The following AFG2A variants were observed in gnomAD, a reference collection of about 807,000 sequenced individuals.
AFG2A encodes the protein AAA ATPase AFG2A, also known as ATPase family gene 2 protein homolog A.
chr4:123,136,242 G>C, the AFG2A span, among the ~76,000 whole-genome samples: 1 of 152,164 alleles, frequency 6.6e-6, no homozygotes, highest in African/African-American at 2.4e-5. Context: ...TTTAAAGAAG[G>C]TAGTCTGTTG....
chr4:123,187,238 C>T, the AFG2A span, among the ~76,000 whole-genome samples: 3 of 152,234 alleles, frequency 2.0e-5, no homozygotes, highest in East Asian at 1.9e-4. Flanking sequence ...CGGTACTCTC[C>T]GAAATAGCTC....
chr4:122,967,426 G>A, the AFG2A span, among the ~76,000 whole-genome samples: 408 of 152,116 alleles, frequency 2.7e-3, 6 homozygotes, highest in South Asian at 0.023. Flanking sequence ...GTAACGGCAT[G>A]TAAAAAATGC....
chr4:123,151,239 G>A, the AFG2A span, among the ~76,000 whole-genome samples: 80 of 152,132 alleles, frequency 5.3e-4, no homozygotes, highest in Non-Finnish European at 9.3e-4. Context: ...AACACCAAAA[G>A]CAAAGGCACC....
the AFG2A span, among the ~76,000 whole-genome samples, chr4:123,200,562 G>A: frequency 2.6e-4 from 39 of 152,260 alleles, 1 homozygote; most frequent in South Asian, 7.5e-3. Context: ...ATGGTTGCTC[G>A]GTGGAGAGTG....
At chr4:122,956,622 A>T in the AFG2A span, among the ~76,000 whole-genome samples, 1 of 152,162 alleles carries the variant, frequency 6.6e-6, no homozygotes, top group African/African-American at 2.4e-5. Context: ...TATGAAGAGT[A>T]GTTTTATTTA....
the AFG2A span, among the ~76,000 whole-genome samples, chr4:123,014,681 T>A: frequency 6.6e-6 from 1 of 152,258 alleles, no homozygotes; most frequent in African/African-American, 2.4e-5. Context: ...TGAAAAAAAA[T>A]TACCTTTAAG....
the AFG2A span, among the ~76,000 whole-genome samples, chr4:122,978,719 C>T: frequency 6.6e-6 from 1 of 152,218 alleles, no homozygotes; most frequent in African/African-American, 2.4e-5. Flanking sequence ...CTCAGCCTCC[C>T]TCACATACTC....
chr4:123,306,807 A>G, the AFG2A span, among the ~76,000 whole-genome samples: 1 of 152,206 alleles, frequency 6.6e-6, no homozygotes, highest in Non-Finnish European at 1.5e-5. Context: ...ACTGAATAAG[A>G]TGAAATACTC....
chr4:123,035,100 C>G, the AFG2A span, among the ~76,000 whole-genome samples: 1 of 152,194 alleles, frequency 6.6e-6, no homozygotes, highest in Admixed American at 6.5e-5. Context: ...TTTCACTGCA[C>G]TTCTCAGTTG....
chr4:123,092,698 C>A, the AFG2A span, among the ~76,000 whole-genome samples: 1 of 152,132 alleles, frequency 6.6e-6, no homozygotes, highest in Non-Finnish European at 1.5e-5. Context: ...AGACTGCATT[C>A]GCATTAGGAG....
the AFG2A span, among the ~76,000 whole-genome samples, chr4:123,174,894 G>A: frequency 2.0e-5 from 3 of 151,798 alleles, no homozygotes; most frequent in Admixed American, 6.6e-5. Context: ...GCAGTGGCAC[G>A]ATCACGGCTC....
At chr4:123,092,533 G>C in the AFG2A span, among the ~76,000 whole-genome samples, 2 of 152,130 alleles carry the variant, frequency 1.3e-5, no homozygotes, top group Non-Finnish European at 2.9e-5. Context: ...TTTAGTGCTT[G>C]TATTGTTGTT....
At chr4:123,197,339 G>A in the AFG2A span, among the ~76,000 whole-genome samples, 11 of 152,120 alleles carry the variant, frequency 7.2e-5, no homozygotes, top group African/African-American at 2.4e-4. Context: ...TCATCCCCGG[G>A]TTAAGAGAAC....
the AFG2A span, among the ~76,000 whole-genome samples, chr4:123,059,661 A>C: frequency 1.3e-5 from 2 of 151,034 alleles, no homozygotes; most frequent in African/African-American, 4.9e-5. Flanking sequence ...TCCTTTGAGT[A>C]TATACCCAGT....
the AFG2A span, among the ~76,000 whole-genome samples, chr4:122,967,045 G>A: frequency 1.4e-4 from 22 of 152,224 alleles, no homozygotes; most frequent in African/African-American, 5.3e-4. Context: ...AACATGAATT[G>A]TAACTGAATT....
chr4:123,290,056 T>A, the AFG2A span, among the ~76,000 whole-genome samples: 3 of 152,194 alleles, frequency 2.0e-5, no homozygotes, highest in Admixed American at 1.3e-4. Flanking sequence ...ATTTTGTTGC[T>A]GCTGTTGAGT....
chr4:123,032,145 G>T, the AFG2A span, among the ~76,000 whole-genome samples: 1 of 152,128 alleles, frequency 6.6e-6, no homozygotes, highest in Non-Finnish European at 1.5e-5. Context: ...AATTATTCTG[G>T]TAAATACAGG....
the AFG2A span, among the ~76,000 whole-genome samples, chr4:122,941,243 T>A: frequency 6.6e-6 from 1 of 151,848 alleles, no homozygotes; most frequent in African/African-American, 2.4e-5. Flanking sequence ...ATTTTCACGA[T>A]ATTGATTCTT....
chr4:123,061,344 T>C, the AFG2A span, among the ~76,000 whole-genome samples: 1 of 152,166 alleles, frequency 6.6e-6, no homozygotes. Flanking sequence ...TTTATACTAC[T>C]ATGAAGAAAT....
Sources: gnomAD v4.1 joint callset for allele counts (sites outside exome capture counted in the v4.1 genomes callset) on GRCh38, gnomAD v4.1.1 for gene constraint, MANE v1.5 for transcripts, NCBI Gene and HGNC (gene_info 2026-07-23, HGNC 2026-07-21) for gene names.